The following KPNA2 variants were observed in gnomAD, a reference collection of about 807,000 sequenced individuals.
KPNA2 encodes the protein karyopherin subunit alpha 2, also known as importin subunit alpha-1.
Under a neutral mutation model 53.7 loss-of-function variants are expected in KPNA2, and 20 were observed. That is an observed-to-expected ratio of 0.37 (90% confidence interval 0.26 to 0.54). The LOEUF (loss-of-function observed/expected upper bound fraction) is 0.54, where lower values mean the gene tolerates loss of function less well. Among genes scored for constraint, KPNA2 ranks in the 20% least tolerant of loss-of-function variants. The pLI is 0.83. For synonymous variants in KPNA2, 238 were observed against 227.5 expected, an observed-to-expected ratio of 1.05 and a Z score of -0.42; for missense variants, 515 against 640.3, an observed-to-expected ratio of 0.80 and a Z score of 2.11.
chr17:68,040,389 C>T (rs2071245350), intron 3 of KPNA2, among the ~76,000 whole-genome samples: 2 of 151,820 alleles, frequency 1.3e-5, no homozygotes, highest in African/African-American at 4.8e-5. Flanking sequence ...GCCACCATGC[C>T]TGTCCTTCTC....
intron 7 of KPNA2, 48 bp from the exon 8 acceptor site, chr17:68,043,790 A>C: frequency 1.7e-6 from 2 of 1,205,408 alleles, no homozygotes; most frequent in Non-Finnish European, 2.5e-6. Flanking sequence ...GAATTTCTAA[A>C]GTGCTGGGGA....
chr17:68,041,551 C>T (rs2071260164), intron 4 of KPNA2, among the ~76,000 whole-genome samples: 2 of 152,076 alleles, frequency 1.3e-5, no homozygotes, highest in East Asian at 3.9e-4. Context: ...GAGCAAGACT[C>T]TGTCTCAAAA....
At chr17:68,039,206 C>T (rs1470907319) in intron 3 of KPNA2, among the ~76,000 whole-genome samples, 3 of 151,904 alleles carry the variant, frequency 2.0e-5, no homozygotes. Flanking sequence ...CTGCAGCCTC[C>T]GTCTCCTGGG....
At position 68,042,292 on chromosome 17, in the gene KPNA2, G is replaced by C; in HGVS notation, c.510G>C (p.Leu170=). 1 of 1,614,218 alleles carries C rather than the reference G, an allele frequency of 6.2e-7. No homozygotes were observed. Among genetic ancestry groups the C allele is most frequent in the Non-Finnish European group, 8.5e-7 (1 of 1,180,042 alleles). The change falls in exon 5 of 11, where the codon CTG becomes CTC. Residue 170 remains leucine, a synonymous_variant. Transcript: ENST00000330459. The part of the protein sequence containing the change: ...DGGAIPAFIS[L]LASPHAHISE... ...GTGCCATCCCAGCATTCATTTCTCT[G>C]TTGGCATCTCCCCATGCTCACATCA...
chr17:68,045,708 T>C (rs1416248846), intron 9 of KPNA2, 64 bp from the exon 10 acceptor site: 3 of 1,196,728 alleles, frequency 2.5e-6, no homozygotes, highest in Non-Finnish European at 2.3e-6. Flanking sequence ...AAATTATTGA[T>C]GTTTTCTTCA....
In KPNA2 at chr17:68,043,186, G is replaced by A; in HGVS notation, c.753G>A (p.Gln251=). Residue 251 remains glutamine, a synonymous_variant, in exon 7 of 11, where the codon CAG becomes CAA. Transcript: ENST00000330459. The part of the protein sequence containing the change: ...NPAPPIDAVE[Q]ILPTLVRLLH... ...CACCCCCGATAGATGCTGTTGAGCA[G>A]ATTCTTCCTACCTTAGTTCGGCTCC... 6.2e-7 allele frequency: 1 copy of A among 1,614,132 alleles called. No homozygotes were observed. Among genetic ancestry groups the A allele is most frequent in the Non-Finnish European group, 8.5e-7 (1 of 1,180,020 alleles).
chr17:68,044,712 C>T (rs554752790), intron 9 of KPNA2, among the ~76,000 whole-genome samples: 35 of 152,262 alleles, frequency 2.3e-4, no homozygotes, highest in African/African-American at 8.4e-4. Flanking sequence ...TGACCTGAAT[C>T]GGAGTCAGGC....
At chr17:68,046,082 T>C (rs535131147) in intron 10 of KPNA2, among the ~76,000 whole-genome samples, 161 bp downstream of exon 10, 21 of 152,358 alleles carry the variant, frequency 1.4e-4, no homozygotes, top group Non-Finnish European at 2.8e-4. Flanking sequence ...CTAGTTTGGC[T>C]TGATGGTAAT....
chr17:68,040,660 C>T lies in KPNA2; in HGVS notation c.214-18C>T, dbSNP rs377567775. On this transcript the variant is annotated intron_variant, in intron 3 of 10. Transcript: ENST00000330459. ...TTTAATCTTAATGATAATGTGCAAA[C>T]TTTCACTTTTCTTCTAGGGCACTGT... The T allele has an allele frequency of 4.5e-6, 7 of 1,549,940 alleles. No homozygotes were observed. The highest frequency in any genetic ancestry group is 2.7e-5 in the African/African-American group (2 of 73,464).
At position 68,035,773 on chromosome 17, in the gene KPNA2, C is replaced by A. The variant is rs1406423606; in HGVS notation, c.-91C>A. The A allele has an allele frequency of 1.3e-5, 2 of 152,402 alleles. No individual in the cohort carries two copies. Among genetic ancestry groups the A allele is most frequent in the African/African-American group, 4.8e-5 (2 of 41,436 alleles). The allele number at this position is 152,402 out of a possible 1,614,324, so 9.4% of individuals were successfully genotyped here. A position where few individuals can be genotyped will look rare whatever the true frequency, so the allele number is the denominator to read the frequency against. On this transcript the variant is annotated 5_prime_UTR_variant, in exon 1 of 11. Transcript: ENST00000330459. Reference sequence around the variant, plus strand: ...GCTGAGTCGAGGTGGACCCTTTGAACGCAGTCGCCCTACAGCCGCTGATTC... The same window carrying A: ...GCTGAGTCGAGGTGGACCCTTTGAAAGCAGTCGCCCTACAGCCGCTGATTC...
chr17:68,044,315 T>A lies in KPNA2; in HGVS notation c.1165-6T>A, dbSNP rs782131036. 51 of 1,607,128 alleles carry A rather than the reference T, an allele frequency of 3.2e-5. No individual in the cohort carries two copies. Among genetic ancestry groups the A allele is most frequent in the Non-Finnish European group, 4.2e-5 (50 of 1,177,428 alleles). On this transcript the variant is annotated splice_region_variant and splice_polypyrimidine_tract_variant and intron_variant, in intron 8 of 10. Transcript: ENST00000330459. Reference sequence around the variant, plus strand: ...TGAAATAAAACCATTTCCTTATGTTTAATAGGCAGATTTTAAGACACAAAA... The same window carrying A: ...TGAAATAAAACCATTTCCTTATGTTAAATAGGCAGATTTTAAGACACAAAA...
At chr17:68,041,662 G>T (rs1357995103) in intron 4 of KPNA2, among the ~76,000 whole-genome samples, 2 of 152,204 alleles carry the variant, frequency 1.3e-5, no homozygotes, top group Admixed American at 1.3e-4. Context: ...GGAGGTCGAG[G>T]CTGCAGTGAG....
At chr17:68,040,901 ATTT>A (rs566866886) in intron 4 of KPNA2, 135 bp downstream of exon 4, 12,283 of 571,878 alleles carry the variant, frequency 0.021, 230 homozygotes, top group Middle Eastern at 0.059. Flanking sequence ...GCCAAATAGT[ATTT>A]TTTATTTATT....
chr17:68,044,429 T>C lies in KPNA2; in HGVS notation c.1273T>C (p.Leu425=), dbSNP rs1390973122. The C allele has an allele frequency of 7.4e-6, 12 of 1,614,116 alleles. No individual in the cohort carries two copies. Among genetic ancestry groups the C allele is most frequent in the Admixed American group, 1.7e-5 (1 of 60,016 alleles). The change falls in exon 9 of 11, where the codon TTG becomes CTG. Residue 425 remains leucine (L), a synonymous_variant. Coordinates refer to ENST00000330459, the MANE Select transcript of KPNA2 (RefSeq NM_002266.4). ...YLVHCGIIEP[L]MNLLTAKDTK... is the part of the protein sequence containing the mutation. ...TGTTCACTGTGGCATAATAGAACCG[T>C]TGATGAACCTCTTAACTGCAAAAGA...
At chr17:68,039,693 T>A (rs1555704243) in intron 3 of KPNA2, among the ~76,000 whole-genome samples, 1 of 151,054 alleles carries the variant, frequency 6.6e-6, no homozygotes, top group African/African-American at 2.4e-5. Flanking sequence ...GGCAGGAGAA[T>A]CGCTTGAACC....
intron 9 of KPNA2, among the ~76,000 whole-genome samples, chr17:68,044,801 TTTGAATGAC>T (rs1457853405): frequency 6.6e-6 from 1 of 152,188 alleles, no homozygotes; most frequent in African/African-American, 2.4e-5. Flanking sequence ...TGACATTAAA[TTTGAATGAC>T]TTGGCCAGGC....
Position 68,044,306 on chromosome 17 carries a change from C to T in KPNA2, c.1165-15C>T, listed in dbSNP as rs1568277887. On this transcript the variant is annotated splice_polypyrimidine_tract_variant and intron_variant, in intron 8 of 10. Coordinates refer to ENST00000330459, the MANE Select transcript of KPNA2 (RefSeq NM_002266.4). Reference sequence around the variant, plus strand: ...CAACTGTTCTGAAATAAAACCATTTCCTTATGTTTAATAGGCAGATTTTAA... The same window carrying T: ...CAACTGTTCTGAAATAAAACCATTTTCTTATGTTTAATAGGCAGATTTTAA... The T allele has an allele frequency of 1.9e-6, 3 of 1,599,244 alleles. No individual in the cohort carries two copies. Among genetic ancestry groups the T allele is most frequent in the Non-Finnish European group, 2.6e-6 (3 of 1,173,910 alleles).
chr17:68,043,013 A>T lies in KPNA2; in HGVS notation c.666+14A>T. 6.2e-7 allele frequency: 1 copy of T among 1,609,104 alleles called. No individual in the cohort carries two copies. Among genetic ancestry groups the T allele is most frequent in the Non-Finnish European group, 8.5e-7 (1 of 1,175,568 alleles). On this transcript the variant is annotated intron_variant, in intron 6 of 10. Coordinates refer to ENST00000330459, the MANE Select transcript of KPNA2 (RefSeq NM_002266.4). ...TCATCTTTAGCAGTAAGTTACTAAC[A>T]TGAGTAAAGTTACTCACTTCTTCAT... is the stretch of plus-strand genomic sequence containing the variant.
intron 3 of KPNA2, among the ~76,000 whole-genome samples, chr17:68,037,818 C>T (rs376579370): frequency 4.0e-5 from 6 of 150,918 alleles, no homozygotes; most frequent in Non-Finnish European, 5.9e-5. Flanking sequence ...TTTTTTCCCC[C>T]GAGATGGAGT....
Sources: allele counts gnomAD v4.1 joint callset (sites outside exome capture counted in the v4.1 genomes callset), GRCh38; gene constraint gnomAD v4.1.1; transcripts MANE v1.5; gene names NCBI Gene and HGNC (gene_info 2026-07-23, HGNC 2026-07-21).